Variants in STARD13 observed in about 807,000 individuals in gnomAD.
STARD13 encodes StAR related lipid transfer domain containing 13, also known as stAR-related lipid transfer protein 13.
Under a neutral mutation model 106.4 loss-of-function variants are expected in STARD13, and 62 were observed. The ratio of observed to expected loss-of-function variants is 0.58; its 90% CI spans 0.48 to 0.72. The LOEUF (loss-of-function observed/expected upper bound fraction) is 0.72, where lower values mean the gene tolerates loss of function less well. Among genes scored for constraint, STARD13 ranks in the 30% least tolerant of loss-of-function variants. The probability of loss-of-function intolerance (pLI) is 0.00; values close to 1 mark genes in which losing one functional copy is unlikely to be tolerated. For synonymous variants in STARD13, 565 were observed against 553.0 expected, an observed-to-expected ratio of 1.02 and a Z score of -0.31; for missense variants, 1,387 against 1,424.0, an observed-to-expected ratio of 0.97 and a Z score of 0.42.
chr13:33,593,202 T>C, the STARD13 span, among the ~76,000 whole-genome samples: 1 of 152,150 alleles, frequency 6.6e-6, no homozygotes, highest in Non-Finnish European at 1.5e-5. Context: ...TTTTTATTTT[T>C]GATACAGAGT....
At chr13:33,332,143 C>T (rs7321308) in intron 1 of STARD13, among the ~76,000 whole-genome samples, 28,234 of 152,060 alleles carry the variant, frequency 0.19, 2,944 homozygotes, top group Non-Finnish European at 0.22. Flanking sequence ...ATTCCCTAAA[C>T]CTCTCCCTGT....
At chr13:33,163,179 G>A (rs1174361216) in intron 3 of STARD13, among the ~76,000 whole-genome samples, 4 of 152,160 alleles carry the variant, frequency 2.6e-5, no homozygotes, top group South Asian at 2.1e-4. Context: ...GGAGGAAACC[G>A]CCCTCATGAT....
At chr13:33,374,246 C>T in the STARD13 span, among the ~76,000 whole-genome samples, 1 of 152,044 alleles carries the variant, frequency 6.6e-6, no homozygotes, top group Non-Finnish European at 1.5e-5. Context: ...CAAATTCATA[C>T]AGACAAAAAG....
intron 1 of STARD13, among the ~76,000 whole-genome samples, chr13:33,271,964 C>A (rs1891187511): frequency 6.6e-6 from 1 of 152,198 alleles, no homozygotes; most frequent in African/African-American, 2.4e-5. Flanking sequence ...TGTTCCAACT[C>A]CCACTCGCTG....
chr13:33,148,133 G>A (rs1293033476), intron 3 of STARD13, among the ~76,000 whole-genome samples: 1 of 152,102 alleles, frequency 6.6e-6, no homozygotes, highest in Non-Finnish European at 1.5e-5. Flanking sequence ...TAACATAGGA[G>A]AAAATCTACA....
At chr13:33,482,871 T>G in the STARD13 span, among the ~76,000 whole-genome samples, 1 of 152,318 alleles carries the variant, frequency 6.6e-6, no homozygotes, top group South Asian at 2.1e-4. Context: ...TCAGATTAGT[T>G]TGTATTTTAA....
At chr13:33,188,681 T>C (rs1885985876) in intron 1 of STARD13, among the ~76,000 whole-genome samples, 1 of 152,236 alleles carries the variant, frequency 6.6e-6, no homozygotes, top group Admixed American at 6.5e-5. Context: ...ATTGACTGAA[T>C]AGGTTTGTTT....
At chr13:33,207,651 C>T (rs1162951621) in intron 1 of STARD13, among the ~76,000 whole-genome samples, 3 of 152,208 alleles carry the variant, frequency 2.0e-5, no homozygotes, top group Non-Finnish European at 4.4e-5. Context: ...ACCCCTTTCC[C>T]ACTTCCTCCA....
the STARD13 span, among the ~76,000 whole-genome samples, chr13:33,669,407 T>A: frequency 6.6e-6 from 1 of 152,168 alleles, no homozygotes; most frequent in East Asian, 1.9e-4. Flanking sequence ...CAGCCTCTCA[T>A]GCCTGGGTTC....
At chr13:33,211,916 A>C (rs1160012980) in intron 1 of STARD13, among the ~76,000 whole-genome samples, 2 of 152,170 alleles carry the variant, frequency 1.3e-5, no homozygotes, top group East Asian at 3.9e-4. Context: ...ATACTTGTAC[A>C]TATATACCCA....
chr13:33,223,989 T>A (rs1000802088), intron 1 of STARD13, among the ~76,000 whole-genome samples: 1 of 152,166 alleles, frequency 6.6e-6, no homozygotes, highest in Non-Finnish European at 1.5e-5. Flanking sequence ...ATGGCCACAG[T>A]TGATTACAGT....
At chr13:33,297,238 G>A (rs1892529830) in intron 1 of STARD13, among the ~76,000 whole-genome samples, 1 of 152,328 alleles carries the variant, frequency 6.6e-6, no homozygotes, top group Non-Finnish European at 1.5e-5. Context: ...AACAGATCTG[G>A]TATAACACAG....
the STARD13 span, among the ~76,000 whole-genome samples, chr13:33,649,328 G>A: frequency 1.3e-5 from 2 of 152,022 alleles, no homozygotes; most frequent in Admixed American, 6.5e-5. Flanking sequence ...TTGGCTTTCC[G>A]TTTCTCATTT....
chr13:33,668,312 C>T, the STARD13 span, among the ~76,000 whole-genome samples: 5 of 152,100 alleles, frequency 3.3e-5, no homozygotes, highest in Non-Finnish European at 7.4e-5. Flanking sequence ...ACTGCTAAAA[C>T]CAAGTCCTAG....
the STARD13 span, among the ~76,000 whole-genome samples, chr13:33,419,301 C>T: frequency 6.6e-6 from 1 of 152,086 alleles, no homozygotes; most frequent in South Asian, 2.1e-4. Flanking sequence ...AACCATGGCA[C>T]GAGAACTTCA....
In STARD13 at chr13:33,202,216, G is replaced by A. The variant is rs145986283; in HGVS notation, c.170-34594C>T. 6.6e-3 allele frequency among the ~76,000 whole-genome samples: 1,009 copies of A among 152,314 alleles called. 4 individuals carry two copies. The highest frequency in any genetic ancestry group is 0.011 in the Non-Finnish European group (731 of 68,034). The stretch of plus-strand genomic sequence containing the variant: ...TTTTAATGTTTAGTTACCTAACTAT[G>A]ATTAGTAGGATTCAGATAGGACTAG... On this transcript the variant is annotated intron_variant, in intron 1 of 13. Transcript: ENST00000336934.
intron 1 of STARD13, among the ~76,000 whole-genome samples, chr13:33,234,002 A>T (rs1426034555): frequency 6.6e-6 from 1 of 152,240 alleles, no homozygotes; most frequent in East Asian, 1.9e-4. Context: ...AAAATCCTGC[A>T]TCAAATGCAC....
the STARD13 span, among the ~76,000 whole-genome samples, chr13:33,612,315 G>A: frequency 6.6e-6 from 1 of 152,126 alleles, no homozygotes; most frequent in East Asian, 1.9e-4. Context: ...TAAGAATTAG[G>A]CGAGTCCTTA....
the STARD13 span, among the ~76,000 whole-genome samples, chr13:33,360,505 G>A: frequency 6.6e-6 from 1 of 151,816 alleles, no homozygotes; most frequent in Admixed American, 6.6e-5. Flanking sequence ...CTCCTGGCCG[G>A]CAGTCGATTT....
Sources: allele counts gnomAD v4.1 joint callset (sites outside exome capture counted in the v4.1 genomes callset), GRCh38; gene constraint gnomAD v4.1.1; transcripts MANE v1.5; gene names NCBI Gene and HGNC (gene_info 2026-07-23, HGNC 2026-07-21).